PIK3C2B: variants seen among roughly 807,000 people sequenced by gnomAD.
The protein encoded by PIK3C2B is phosphatidylinositol 4-phosphate 3-kinase C2 domain-containing subunit beta.
In PIK3C2B, 83 loss-of-function variants were observed where a neutral mutation model predicts 184.3. That is an observed-to-expected ratio of 0.45 (90% CI 0.38 to 0.54). The LOEUF (loss-of-function observed/expected upper bound fraction) is 0.54. Among genes scored for constraint, PIK3C2B ranks in the 20% least tolerant of loss-of-function variants. The pLI is 0.00. For synonymous variants in PIK3C2B, 779 were observed against 837.6 expected, an observed-to-expected ratio of 0.93 and a Z score of 1.21; for missense variants, 1,736 against 2,113.5, an observed-to-expected ratio of 0.82 and a Z score of 3.50.
At chr1:204,430,741 C>T (rs1675008738) in intron 28 of PIK3C2B, among the ~76,000 whole-genome samples, 1 of 152,032 alleles carries the variant, frequency 6.6e-6, no homozygotes. Context: ...TCACTGCAAC[C>T]TCTGCCTCCC....
intron 12 of PIK3C2B, among the ~76,000 whole-genome samples, chr1:204,452,651 C>CTT (rs371699160): frequency 0.014 from 1,262 of 92,364 alleles, 49 homozygotes; most frequent in African/African-American, 0.029. Context: ...ACCCCATGTC[C>CTT]TTTTTTTTTT....
intron 13 of PIK3C2B, 62 bp downstream of exon 13, chr1:204,449,788 C>T (rs916029296): frequency 2.7e-6 from 4 of 1,460,674 alleles, no homozygotes; most frequent in Non-Finnish European, 3.7e-6. Context: ...CAGCCAGGCC[C>T]CTTTCTCTGT....
At chr1:204,461,654 G>A (rs1655344937) in intron 5 of PIK3C2B, among the ~76,000 whole-genome samples, 1 of 152,166 alleles carries the variant, frequency 6.6e-6, no homozygotes, top group African/African-American at 2.4e-5. Flanking sequence ...CACATCCTGA[G>A]AGGACCAAAT....
intron 1 of PIK3C2B, among the ~76,000 whole-genome samples, chr1:204,489,031 A>G (rs1232455909): frequency 6.6e-6 from 1 of 152,128 alleles, no homozygotes; most frequent in East Asian, 1.9e-4. Context: ...CTCGAGCCTC[A>G]TGAACATTTT....
At position 204,459,867 on chromosome 1, in the gene PIK3C2B, T is replaced by C; in HGVS notation, c.1566+11A>G. On this transcript the variant is annotated intron_variant, in intron 8 of 32. Coordinates refer to ENST00000684373, the MANE Select transcript of PIK3C2B (RefSeq NM_001377334.1). Reference sequence around the variant, plus strand: ...TCGGGCAGCAGGGCCAGCCCCTGGATTCGTACTCACATCAGCCAGCAGGAA... The same window carrying C: ...TCGGGCAGCAGGGCCAGCCCCTGGACTCGTACTCACATCAGCCAGCAGGAA... 1 of 1,611,792 alleles carries C rather than the reference T, an allele frequency of 6.2e-7. No homozygotes were observed. The highest frequency in any genetic ancestry group is 2.2e-5 in the East Asian group (1 of 44,860).
chr1:204,485,992 G>A (rs1006801434), intron 1 of PIK3C2B, among the ~76,000 whole-genome samples: 3 of 152,140 alleles, frequency 2.0e-5, no homozygotes, highest in Admixed American at 1.3e-4. Flanking sequence ...CTGCATTTAT[G>A]TGCATTCTGC....
intron 29 of PIK3C2B, chr1:204,428,850 G>C (rs912360424): frequency 3.8e-5 from 17 of 442,838 alleles, no homozygotes; most frequent in Non-Finnish European, 5.9e-5. Context: ...TAAGTGTTTA[G>C]GTGATGGATA....
chr1:204,460,470 CT>C, intron 6 of PIK3C2B, 67 bp from the exon 7 acceptor site: 1 of 1,538,818 alleles, frequency 6.5e-7, no homozygotes. Flanking sequence ...TCCTACCCCC[CT>C]CCCACCTGAT....
chr1:204,451,320 C>T (rs574901139), intron 12 of PIK3C2B, among the ~76,000 whole-genome samples: 2 of 152,296 alleles, frequency 1.3e-5, no homozygotes, highest in East Asian at 1.9e-4. Context: ...CTTCCAGCTT[C>T]GTGTCTTAAG....
At position 204,440,197 on chromosome 1, in the gene PIK3C2B, C is replaced by T. The variant is rs756929670; in HGVS notation, c.3374G>A (p.Gly1125Asp). Residue 1125 changes from glycine to aspartate, a missense_variant, in exon 22 of 33, where the codon GGC (glycine) becomes GAC (aspartate). This residue lies in a region of PIK3C2B where 289 missense variants were observed against 380.4 expected (regional missense o/e 0.76). Transcript: ENST00000684373. ...VIFRCFSTGR[G>D]RGMVEMIPNA... Reference sequence around the variant, plus strand: ...CACCCCTACTCCCAACTGACCTCTGCCCCGGCCGGTGGAGAAGCAGCGGAA... The same window carrying T: ...CACCCCTACTCCCAACTGACCTCTGTCCCGGCCGGTGGAGAAGCAGCGGAA... The T allele has an allele frequency of 2.5e-6, 4 of 1,611,934 alleles. No individual in the cohort carries two copies. The South Asian group carries it at 4.4e-5, about 18-fold the overall frequency.
chr1:204,425,109 G>A lies in PIK3C2B; in HGVS notation c.4717-69C>T, dbSNP rs1015155820. Reference sequence around the variant, plus strand: ...CAAGAAGAATCCAGAGGGAACCCGAGAGGGAGATGGTAAAGTCTGTTGGGG... The same window carrying A: ...CAAGAAGAATCCAGAGGGAACCCGAAAGGGAGATGGTAAAGTCTGTTGGGG... On this transcript the variant is annotated intron_variant, in intron 32 of 32. Transcript: ENST00000684373. 5 of 1,311,904 alleles carry A rather than the reference G, an allele frequency of 3.8e-6. No individual in the cohort carries two copies. The South Asian group carries it at 5.4e-5, about 14-fold the overall frequency. The allele number at this position is 1,311,904 out of a possible 1,614,324, so 81.3% of individuals were successfully genotyped here.
chr1:204,460,215 G>GACACCTGCAAGAATCCCTT, intron 7 of PIK3C2B, 109 bp downstream of exon 7: 1 of 890,074 alleles, frequency 1.1e-6, no homozygotes, highest in Non-Finnish European at 1.8e-6. Flanking sequence ...CCCAACCCCT[G>GACACCTGCAAGAATCCCTT]ACACCTGCAA....
At chr1:204,428,650 C>T (rs1456804722) in intron 29 of PIK3C2B, among the ~76,000 whole-genome samples, 7 of 152,188 alleles carry the variant, frequency 4.6e-5, no homozygotes, top group East Asian at 1.9e-4. Flanking sequence ...TGCGCCACCA[C>T]GCCCAGCTAA....
chr1:204,449,017 C>T (rs2271426), intron 14 of PIK3C2B, among the ~76,000 whole-genome samples, 168 bp downstream of exon 14: 26,792 of 152,132 alleles, frequency 0.18, 2,869 homozygotes, highest in East Asian at 0.44. Context: ...GCTCACCTCA[C>T]AATCCACATC....
At chr1:204,476,618 T>C (rs1426820996) in intron 1 of PIK3C2B, among the ~76,000 whole-genome samples, 1 of 152,258 alleles carries the variant, frequency 6.6e-6, no homozygotes, top group Non-Finnish European at 1.5e-5. Context: ...CTAGGGATTC[T>C]GTATAAAAAC....
At chr1:204,482,195 T>C (rs1657223503) in intron 1 of PIK3C2B, among the ~76,000 whole-genome samples, 2 of 150,408 alleles carry the variant, frequency 1.3e-5, no homozygotes, top group African/African-American at 5.0e-5. Context: ...TGTAGGAACC[T>C]CTTGCCCCTC....
At chr1:204,452,280 G>C (rs1005388355) in intron 12 of PIK3C2B, among the ~76,000 whole-genome samples, 2 of 140,334 alleles carry the variant, frequency 1.4e-5, no homozygotes, top group African/African-American at 5.2e-5. Context: ...AGAACACTGT[G>C]CAGCACCCTT....
chr1:204,489,484 TAA>T (rs34501643), intron 1 of PIK3C2B, among the ~76,000 whole-genome samples: 248 of 146,452 alleles, frequency 1.7e-3, no homozygotes, highest in South Asian at 2.6e-3. Context: ...TCTTTTAATT[TAA>T]AAAAAAAAAA....
At chr1:204,428,007 T>C (rs1674838890) in intron 30 of PIK3C2B, 132 bp downstream of exon 30, 1 of 654,166 alleles carries the variant, frequency 1.5e-6, no homozygotes, top group East Asian at 2.7e-5. Context: ...GGAAACTAGA[T>C]TTCCCAGAGA....
Sources: allele counts gnomAD v4.1 joint callset (sites outside exome capture counted in the v4.1 genomes callset), GRCh38; gene constraint gnomAD v4.1.1; regional missense constraint gnomAD v4.1.1; transcripts MANE v1.5; gene names NCBI Gene and HGNC (gene_info 2026-07-23, HGNC 2026-07-21).